TP53I13: variants seen among roughly 807,000 people sequenced by gnomAD.
TP53I13 encodes tumor protein p53 inducible protein 13, also known as tumor protein p53-inducible protein 13.
Under a neutral mutation model 39.1 loss-of-function variants are expected in TP53I13, and 27 were observed. The ratio of observed to expected loss-of-function variants is 0.69; its 90% confidence interval spans 0.51 to 0.95. The LOEUF is 0.95. Ranked by LOEUF, TP53I13 falls within the 40% of genes least tolerant of loss-of-function variation. The pLI, the probability that TP53I13 is intolerant of heterozygous loss-of-function variation, is 0.00. For synonymous variants in TP53I13, 230 were observed against 224.6 expected (o/e 1.02, Z -0.22); for missense variants, 544 against 520.4 (o/e 1.05, Z -0.44).
chr17:29,568,775 C>T lies in TP53I13; in HGVS notation c.17C>T (p.Pro6Leu). Residue 6 changes from proline (P) to leucine (L), a missense_variant, in exon 1 of 7, where the codon CCT becomes CTT. By Grantham distance (98) the Pro-to-Leu change is moderately conservative (BLOSUM62 -3). Transcript: ENST00000301057. The surrounding 1 kb of genome is among the most constrained non-coding windows in gnomAD (Gnocchi z 4.5). Reference sequence around the variant, plus strand: ...CCGCTTGGAATGGCGCCTCCTCCGCCTTCGCCCCAACTGCTTCTCCTGGCA... The same window carrying T: ...CCGCTTGGAATGGCGCCTCCTCCGCTTTCGCCCCAACTGCTTCTCCTGGCA... The part of the protein sequence containing the change: MAPPP[P>L]SPQLLLLAAL... 6.3e-7 allele frequency: 1 copy of T among 1,594,848 alleles called. No homozygotes were observed. Among genetic ancestry groups the T allele is most frequent in the Non-Finnish European group, 8.5e-7 (1 of 1,177,954 alleles).
chr17:29,581,844 G>T, the TP53I13 span: 1 of 1,612,228 alleles, frequency 6.2e-7, no homozygotes. This position sits in a 1 kb window ranked among gnomAD's most constrained non-coding sequence, Gnocchi z 4.8. Context: ...TGCCTGTGAG[G>T]AGGGGGTATG....
At position 29,568,991 on chromosome 17, in the gene TP53I13, C is replaced by A. The variant is rs2032817707; in HGVS notation, c.73-27C>A. The A allele has an allele frequency of 6.2e-6, 10 of 1,602,162 alleles. No individual in the cohort carries two copies. The highest frequency in any genetic ancestry group is 7.7e-6 in the Non-Finnish European group (9 of 1,175,702). On this transcript the variant is annotated intron_variant, in intron 1 of 6. Transcript: ENST00000301057. This position sits in a 1 kb window ranked among gnomAD's most constrained non-coding sequence, Gnocchi z 4.5. ...GGGCAGGGCCTCGCCGCGTCCAGCG[C>A]CCCAACTCTTCGCTTTGGACCCACA... is the stretch of plus-strand genomic sequence containing the variant.
downstream of TP53I13, chr17:29,576,547 T>A: frequency 6.2e-7 from 1 of 1,613,942 alleles, no homozygotes; most frequent in Non-Finnish European, 8.5e-7. Flanking sequence ...CCGGAGCTCG[T>A]CGCTCAGGCT....
At chr17:29,581,792 T>A in the TP53I13 span, 90 of 1,612,422 alleles carry the variant, frequency 5.6e-5, no homozygotes, top group Non-Finnish European at 7.5e-5. The surrounding 1 kb of genome is among the most constrained non-coding windows in gnomAD (Gnocchi z 4.8). Flanking sequence ...GAGCTCATAT[T>A]GGCACTCAAC....
chr17:29,567,179 C>T (rs866452810), upstream of TP53I13: 16 of 205,826 alleles, frequency 7.8e-5, no homozygotes, highest in African/African-American at 3.3e-4. The surrounding 1 kb of genome is among the most constrained non-coding windows in gnomAD (Gnocchi z 6.6). Flanking sequence ...CTTTGTACAG[C>T]AATTGCAACA....
At chr17:29,575,634 G>T (rs2033165326), downstream of TP53I13, 2 of 1,611,472 alleles carry the variant, frequency 1.2e-6, no homozygotes, top group South Asian at 2.2e-5. This position sits in a 1 kb window ranked among gnomAD's most constrained non-coding sequence, Gnocchi z 5.5. Context: ...CCTCACCCCA[G>T]CAGTGGGTCC....
chr17:29,578,922 C>T, the TP53I13 span: 3 of 1,607,660 alleles, frequency 1.9e-6, no homozygotes, highest in South Asian at 2.2e-5. Context: ...CCCCGCCCTA[C>T]CCCACCTTCA....
intron 2 of TP53I13, 97 bp from the exon 3 acceptor site, chr17:29,569,221 C>G (rs2032830608): frequency 6.7e-7 from 1 of 1,502,516 alleles, no homozygotes; most frequent in Non-Finnish European, 9.1e-7. Context: ...CCAACTTCTC[C>G]ATCCCAGCCT....
intron 3 of TP53I13, chr17:29,571,255 G>A (rs1225308509): frequency 1.3e-5 from 4 of 303,148 alleles, no homozygotes; most frequent in Non-Finnish European, 2.5e-5. Flanking sequence ...TTCATTTGGG[G>A]GTTGCTTATG....
chr17:29,568,677 G>T, upstream of TP53I13: 1 of 937,204 alleles, frequency 1.1e-6, no homozygotes, highest in East Asian at 1.1e-4. The surrounding 1 kb of genome is among the most constrained non-coding windows in gnomAD (Gnocchi z 4.5). Context: ...GCGCGGGGGC[G>T]CTGGGGCTGG....
intron 3 of TP53I13, 50 bp from the exon 4 acceptor site, chr17:29,571,541 C>T (rs765070904): frequency 6.9e-6 from 11 of 1,605,182 alleles, no homozygotes; most frequent in Admixed American, 1.7e-5. Context: ...ACTTGAGATT[C>T]TCTGGGAGGG....
chr17:29,574,000 CCT>C (rs905797448), downstream of TP53I13: 1 of 152,500 alleles, frequency 6.6e-6, no homozygotes, highest in Non-Finnish European at 1.5e-5. Context: ...GCTCTGGTCC[CCT>C]CACCCCTCAA....
At position 29,571,962 on chromosome 17, in the gene TP53I13, A is replaced by G. The variant is rs2032948380; in HGVS notation, c.418A>G (p.Lys140Glu). The G allele has an allele frequency of 3.7e-6, 6 of 1,613,032 alleles. No individual in the cohort carries two copies. The highest frequency in any genetic ancestry group is 1.3e-5 in the African/African-American group (1 of 74,912). The stretch of plus-strand genomic sequence containing the variant: ...GAGGCGGAGGAGGAAGCAGAGGAAG[A>G]AGAAGGCATGGATCTACTGTGAAAG... ...MRRRRRKQRK[K>E]KAWIYCESLS... The change falls in exon 5 of 7, where the codon AAG (lysine) becomes GAG (glutamate). Residue 140 changes from lysine to glutamate, a missense_variant. By Grantham distance (56) the Lys-to-Glu change is moderately conservative. Coordinates refer to ENST00000301057, the MANE Select transcript of TP53I13 (RefSeq NM_138349.4).
At chr17:29,575,012 T>C (rs772065396), downstream of TP53I13, 1 of 1,482,664 alleles carries the variant, frequency 6.7e-7, no homozygotes, top group Admixed American at 1.8e-5. This position sits in a 1 kb window ranked among gnomAD's most constrained non-coding sequence, Gnocchi z 5.5. Context: ...AGCGATCAGA[T>C]GGGATTCTCC....
the TP53I13 span, among the ~76,000 whole-genome samples, chr17:29,579,600 G>A: frequency 2.6e-5 from 4 of 152,088 alleles, no homozygotes; most frequent in South Asian, 4.2e-4. Flanking sequence ...AGCTGAGCAC[G>A]GTGGCATGTG....
At chr17:29,571,773 G>A (rs200874580) in intron 4 of TP53I13, 54 bp downstream of exon 4, 413 of 1,613,466 alleles carry the variant, frequency 2.6e-4, no homozygotes, top group Middle Eastern at 2.5e-3. Flanking sequence ...CTATGGCCCC[G>A]TGTGCAGGGA....
chr17:29,578,408 A>G, the TP53I13 span: 5 of 1,594,778 alleles, frequency 3.1e-6, no homozygotes, highest in African/African-American at 4.0e-5. Context: ...TGTCAGATGC[A>G]TCGGCTCCCA....
rs1198503078 is a variant in TP53I13 at position 29,571,880 on chromosome 17, G to A, written c.336G>A (p.Gly112=). ...AGCCCCTGGTGCTGACTGCATGGGG[G>A]CTGGCGCTGGAGATGGCCTGGGTAG... ...QDRPLVLTAW[G]LALEMAWVEP... Residue 112 remains glycine (G), a synonymous_variant, in exon 5 of 7, where the codon GGG becomes GGA. Coordinates refer to ENST00000301057, the MANE Select transcript of TP53I13 (RefSeq NM_138349.4). 3 of 1,613,086 alleles carry A rather than the reference G, an allele frequency of 1.9e-6. No individual in the cohort carries two copies. Among genetic ancestry groups the A allele is most frequent in the African/African-American group, 1.3e-5 (1 of 74,944 alleles).
the TP53I13 span, chr17:29,578,913 C>T: frequency 2.5e-6 from 4 of 1,602,574 alleles, no homozygotes; most frequent in South Asian, 2.2e-5. Flanking sequence ...CAAATGCCTC[C>T]CCGCCCTACC....
Sources: allele counts gnomAD v4.1 joint callset (sites outside exome capture counted in the v4.1 genomes callset), GRCh38; gene constraint gnomAD v4.1.1; non-coding constraint Gnocchi (gnomAD v3.1); transcripts MANE v1.5; gene names NCBI Gene and HGNC (gene_info 2026-07-23, HGNC 2026-07-21).